The following KHDRBS2 variants were observed in gnomAD, a reference collection of about 807,000 sequenced individuals.
The protein encoded by KHDRBS2 is KH RNA binding domain containing, signal transduction associated 2, also known as KH domain-containing, RNA-binding, signal transduction-associated protein 2.
A neutral mutation model predicts 44.3 loss-of-function variants in KHDRBS2; 26 were observed. The ratio of observed to expected loss-of-function variants is 0.59; its 90% CI spans 0.43 to 0.81. The LOEUF (loss-of-function observed/expected upper bound fraction) is 0.81. KHDRBS2 is among the 40% of genes least tolerant of loss of function. The probability of loss-of-function intolerance (pLI) is 0.00; values close to 1 mark genes in which losing one functional copy is unlikely to be tolerated. For synonymous variants in KHDRBS2, 194 were observed against 151.1 expected, an observed-to-expected ratio of 1.28 and a Z score of -2.08; for missense variants, 476 against 433.1, an observed-to-expected ratio of 1.10 and a Z score of -0.88.
At chr6:61,661,696 TGAAGGA>T in the KHDRBS2 span, among the ~76,000 whole-genome samples, 1 of 151,810 alleles carries the variant, frequency 6.6e-6, no homozygotes, top group Non-Finnish European at 1.5e-5. Context: ...ACAAGGGACA[TGAAGGA>T]CCTCTTCAAG....
At chr6:62,118,878 C>G (rs575253038) in intron 2 of KHDRBS2, among the ~76,000 whole-genome samples, 25 of 152,272 alleles carry the variant, frequency 1.6e-4, no homozygotes, top group African/African-American at 6.0e-4. Context: ...TGTCAGTTTC[C>G]CTACTTTTGA....
intron 2 of KHDRBS2, among the ~76,000 whole-genome samples, chr6:62,082,926 C>G (rs1355173320): frequency 3.9e-5 from 6 of 152,078 alleles, no homozygotes; most frequent in Non-Finnish European, 1.5e-5. Context: ...TTAATTCCTC[C>G]TATGATAAAG....
chr6:61,687,590 T>G (rs1766958532), intron 8 of KHDRBS2, among the ~76,000 whole-genome samples: 1 of 151,958 alleles, frequency 6.6e-6, no homozygotes, highest in Admixed American at 6.6e-5. Context: ...GCCTTTTTCT[T>G]GTTGAAAGAT....
chr6:61,763,728 C>T (rs1202634375), intron 6 of KHDRBS2, among the ~76,000 whole-genome samples: 1 of 152,106 alleles, frequency 6.6e-6, no homozygotes, highest in Non-Finnish European at 1.5e-5. Flanking sequence ...TATGTGGAAT[C>T]CTTAAGTCAT....
intron 1 of KHDRBS2, among the ~76,000 whole-genome samples, chr6:62,178,256 AG>A (rs1821541799): frequency 6.6e-6 from 1 of 151,560 alleles, no homozygotes; most frequent in Admixed American, 6.6e-5. Context: ...AAGACTAAGA[AG>A]AGCTTAACAG....
At chr6:61,888,656 G>C (rs921930607) in intron 6 of KHDRBS2, among the ~76,000 whole-genome samples, 1 of 151,092 alleles carries the variant, frequency 6.6e-6, no homozygotes, top group Non-Finnish European at 1.5e-5. Flanking sequence ...CCGCCTCCCG[G>C]GTTCAAGTGA....
intron 1 of KHDRBS2, among the ~76,000 whole-genome samples, chr6:62,233,083 G>T (rs945941301): frequency 6.6e-6 from 1 of 152,104 alleles, no homozygotes; most frequent in Non-Finnish European, 1.5e-5. Flanking sequence ...GTCACATAAA[G>T]ATTAACTTAG....
intron 1 of KHDRBS2, among the ~76,000 whole-genome samples, chr6:62,260,172 G>T (rs1350502926): frequency 6.6e-6 from 1 of 151,976 alleles, no homozygotes; most frequent in East Asian, 1.9e-4. Context: ...AGCTTTGTTT[G>T]AGGCTCAAAT....
chr6:61,814,710 G>C (rs1192922453), intron 6 of KHDRBS2, among the ~76,000 whole-genome samples: 1 of 152,128 alleles, frequency 6.6e-6, no homozygotes, highest in African/African-American at 2.4e-5. Context: ...AATGAGTGTG[G>C]TCAGGGGTGG....
chr6:61,916,704 TTAA>T (rs1807068930), intron 4 of KHDRBS2, among the ~76,000 whole-genome samples: 1 of 151,672 alleles, frequency 6.6e-6, no homozygotes, highest in South Asian at 2.1e-4. Context: ...AACAAACAAC[TTAA>T]AAGTGAGCAG....
At chr6:62,256,777 G>A (rs1192073904) in intron 1 of KHDRBS2, among the ~76,000 whole-genome samples, 1 of 152,054 alleles carries the variant, frequency 6.6e-6, no homozygotes, top group East Asian at 1.9e-4. Flanking sequence ...GTAAATGCAG[G>A]TTACACTGAA....
chr6:61,640,613 G>T, the KHDRBS2 span, among the ~76,000 whole-genome samples: 1 of 152,060 alleles, frequency 6.6e-6, no homozygotes, highest in African/African-American at 2.4e-5. Flanking sequence ...GGCTTAAGAA[G>T]GTTGGATTCA....
At chr6:61,631,581 T>C in the KHDRBS2 span, among the ~76,000 whole-genome samples, 1 of 152,166 alleles carries the variant, frequency 6.6e-6, no homozygotes, top group African/African-American at 2.4e-5. Context: ...GTGTCTTGAA[T>C]GTCAACCAGA....
Position 61,947,952 on chromosome 6 carries a change from T to TAAC in KHDRBS2, c.483+30111_483+30113dup, listed in dbSNP as rs1430966126. Among the ~76,000 whole-genome samples the TAAC allele has an allele frequency of 2.2e-5, 3 of 133,576 alleles. No individual in the cohort carries two copies. The Middle Eastern group carries it at 0.013, about 566-fold the overall frequency. 87.6% of individuals were successfully genotyped at this position (133,576 alleles called of 152,430 possible). On this transcript the variant is annotated intron_variant, in intron 4 of 8. Transcript: ENST00000281156. Reference sequence around the variant, plus strand: ...ATAATAATAATAATAATAATAATAATAACAGAGGAATGACAAATCATGAGA... The same window carrying TAAC: ...ATAATAATAATAATAATAATAATAATAACAACAGAGGAATGACAAATCATGAGA...
intron 6 of KHDRBS2, among the ~76,000 whole-genome samples, chr6:61,800,722 T>C (rs1786118222): frequency 6.6e-6 from 1 of 152,112 alleles, no homozygotes; most frequent in Admixed American, 6.6e-5. Context: ...GACCTAAGAA[T>C]TGCATTCCCA....
chr6:61,585,628 C>A, the KHDRBS2 span, among the ~76,000 whole-genome samples: 1 of 152,016 alleles, frequency 6.6e-6, no homozygotes, highest in Non-Finnish European at 1.5e-5. Flanking sequence ...ATTATAAAGT[C>A]CTGAAATGTG....
chr6:62,277,677 T>C (rs1841174067), intron 1 of KHDRBS2, among the ~76,000 whole-genome samples: 1 of 152,158 alleles, frequency 6.6e-6, no homozygotes, highest in Non-Finnish European at 1.5e-5. Context: ...TTCAAGGGCA[T>C]ATGTGATTGT....
intron 1 of KHDRBS2, among the ~76,000 whole-genome samples, chr6:62,213,605 G>T (rs1199994868): frequency 6.6e-6 from 1 of 151,948 alleles, no homozygotes; most frequent in Admixed American, 6.6e-5. Flanking sequence ...CAAGTCTGGG[G>T]CATGGTATCC....
intron 1 of KHDRBS2, among the ~76,000 whole-genome samples, chr6:62,269,165 G>T (rs948226103): frequency 6.6e-6 from 1 of 152,020 alleles, no homozygotes; most frequent in Non-Finnish European, 1.5e-5. Context: ...AAAATATTGA[G>T]AATAACTCTG....
Sources: gnomAD v4.1 joint callset for allele counts (sites outside exome capture counted in the v4.1 genomes callset) on GRCh38, gnomAD v4.1.1 for gene constraint, MANE v1.5 for transcripts, NCBI Gene and HGNC (gene_info 2026-07-23, HGNC 2026-07-21) for gene names.